The following HAPSTR1 variants were observed in gnomAD, a reference collection of about 807,000 sequenced individuals.
HAPSTR1 encodes HUWE1 associated protein modifying stress responses.
At chr16:9,104,114 CTTTTTTTTTT>C in the HAPSTR1 span, 2 of 136,730 alleles carry the variant, frequency 1.5e-5, no homozygotes, top group African/African-American at 5.4e-5. Context: ...TCCTTTTTTT[CTTTTTTTTTT>C]TTTTTTGGAG....
chr16:9,092,383 G>A, the HAPSTR1 span: 2 of 998,730 alleles, frequency 2.0e-6, no homozygotes, highest in Non-Finnish European at 2.5e-6. Flanking sequence ...CGGCCTCGGG[G>A]ATCCCGGCCG....
chr16:9,103,253 C>G, the HAPSTR1 span: 2 of 1,612,456 alleles, frequency 1.2e-6, no homozygotes, highest in Admixed American at 1.7e-5. Flanking sequence ...AGCCATAGCT[C>G]TGCATGGTAA....
chr16:9,112,121 G>C, the HAPSTR1 span: 1 of 152,092 alleles, frequency 6.6e-6, no homozygotes, highest in Non-Finnish European at 1.5e-5. Context: ...GTGGGGAGTG[G>C]TATCTACTTC....
At chr16:9,119,340 A>G in the HAPSTR1 span, 346 of 152,364 alleles carry the variant, frequency 2.3e-3, 1 homozygote, top group African/African-American at 7.7e-3. Context: ...TTTAAAAACA[A>G]GTTGACTTTT....
chr16:9,092,909 C>A, the HAPSTR1 span: 1 of 1,390,962 alleles, frequency 7.2e-7, no homozygotes, highest in Non-Finnish European at 9.5e-7. Flanking sequence ...TTTTTTTTGG[C>A]TTGCTTTTCA....
chr16:9,115,002 A>T, the HAPSTR1 span, among the ~76,000 whole-genome samples: 1 of 152,072 alleles, frequency 6.6e-6, no homozygotes, highest in East Asian at 1.9e-4. Flanking sequence ...GGAGGGGAGG[A>T]TGTGTCTTCT....
At chr16:9,097,239 TC>T in the HAPSTR1 span, among the ~76,000 whole-genome samples, 4 of 79,904 alleles carry the variant, frequency 5.0e-5, no homozygotes, top group African/African-American at 4.1e-4. Flanking sequence ...CGCGCCTGGC[TC>T]TTTTTTTTTT....
chr16:9,119,451 A>C, the HAPSTR1 span: 1 of 152,244 alleles, frequency 6.6e-6, no homozygotes, highest in Non-Finnish European at 1.5e-5. Context: ...TGATTCTTTT[A>C]GACGTCATAG....
the HAPSTR1 span, chr16:9,092,421 C>T: frequency 4.4e-6 from 3 of 674,962 alleles, no homozygotes; most frequent in African/African-American, 1.9e-5. Flanking sequence ...CCGCCCCCTC[C>T]CCGCAAGATG....
chr16:9,105,548 A>G, the HAPSTR1 span: 3 of 152,250 alleles, frequency 2.0e-5, no homozygotes, highest in African/African-American at 7.2e-5. Flanking sequence ...GGCCATTATT[A>G]ACTAGTAACA....
chr16:9,113,640 G>C, the HAPSTR1 span, among the ~76,000 whole-genome samples: 2 of 152,184 alleles, frequency 1.3e-5, no homozygotes, highest in Non-Finnish European at 2.9e-5. Context: ...AAGTAGCCCA[G>C]TTTATTGCTG....
the HAPSTR1 span, among the ~76,000 whole-genome samples, chr16:9,115,801 G>C: frequency 1.3e-5 from 2 of 152,062 alleles, no homozygotes; most frequent in Non-Finnish European, 2.9e-5. Flanking sequence ...TTTTAGTAGA[G>C]ACGAGTTTTC....
At chr16:9,120,379 A>G in the HAPSTR1 span, 1 of 152,282 alleles carries the variant, frequency 6.6e-6, no homozygotes, top group African/African-American at 2.4e-5. Flanking sequence ...TGGGGGCAGC[A>G]TTTGAGAGAC....
chr16:9,118,616 TAGC>T, the HAPSTR1 span: 1 of 152,436 alleles, frequency 6.6e-6, no homozygotes, highest in South Asian at 2.1e-4. Context: ...TTGACTATAA[TAGC>T]AGGAAGAATT....
the HAPSTR1 span, chr16:9,107,120 A>G: frequency 2.6e-4 from 40 of 152,218 alleles, no homozygotes; most frequent in African/African-American, 9.4e-4. Flanking sequence ...GGCATGTCCC[A>G]CTGTCCTCCG....
At chr16:9,107,714 C>T in the HAPSTR1 span, 1 of 152,330 alleles carries the variant, frequency 6.6e-6, no homozygotes, top group Admixed American at 6.5e-5. Context: ...AGTCCAGCCC[C>T]TACGTGTTCA....
chr16:9,103,168 T>C, the HAPSTR1 span: 1 of 1,614,002 alleles, frequency 6.2e-7, no homozygotes, highest in Non-Finnish European at 8.5e-7. Flanking sequence ...CAAGACTGAC[T>C]GTAGTGTCCC....
the HAPSTR1 span, among the ~76,000 whole-genome samples, chr16:9,116,289 G>A: frequency 2.6e-5 from 4 of 152,162 alleles, no homozygotes; most frequent in African/African-American, 9.7e-5. Flanking sequence ...TGTTGGAATG[G>A]TAACTTTGGG....
the HAPSTR1 span, among the ~76,000 whole-genome samples, chr16:9,101,048 C>T: frequency 2.2e-3 from 329 of 152,312 alleles, 1 homozygote; most frequent in African/African-American, 7.4e-3. Context: ...GGTTTAAAAA[C>T]CTGATTGCTT....
Sources: gnomAD v4.1 joint callset for allele counts (sites outside exome capture counted in the v4.1 genomes callset) on GRCh38, gnomAD v4.1.1 for gene constraint, MANE v1.5 for transcripts, NCBI Gene and HGNC (gene_info 2026-07-23, HGNC 2026-07-21) for gene names.